The following SMIM36 variants were observed in gnomAD, a reference collection of about 807,000 sequenced individuals.
SMIM36 encodes the protein small integral membrane protein 36.
chr17:55,480,189 A>C (rs908067933), intron 1 of SMIM36, among the ~76,000 whole-genome samples: 4 of 151,794 alleles, frequency 2.6e-5, no homozygotes, highest in African/African-American at 4.8e-5. Context: ...AGGGCTGAGA[A>C]GTACATAGTG....
chr17:55,500,511 C>T (rs1909889304), intron 1 of SMIM36, among the ~76,000 whole-genome samples: 1 of 151,728 alleles, frequency 6.6e-6, no homozygotes, highest in South Asian at 2.1e-4. Flanking sequence ...GAAGTTGGTT[C>T]CTTCTTGAAG....
At chr17:55,472,441 T>C (rs1244580958) in intron 3 of SMIM36, among the ~76,000 whole-genome samples, 3 of 152,248 alleles carry the variant, frequency 2.0e-5, no homozygotes, top group East Asian at 3.8e-4. Flanking sequence ...TGAAAGAGGC[T>C]TCCTTATCAC....
At chr17:55,515,635 G>C (rs1910262776), upstream of SMIM36, among the ~76,000 whole-genome samples, 1 of 152,132 alleles carries the variant, frequency 6.6e-6, no homozygotes, top group Non-Finnish European at 1.5e-5. Context: ...AGAGATCGGA[G>C]CGAGACATCT....
intron 3 of SMIM36, among the ~76,000 whole-genome samples, chr17:55,471,869 C>T (rs148436585): frequency 6.6e-6 from 1 of 152,180 alleles, no homozygotes; most frequent in African/African-American, 2.4e-5. Context: ...CCTGAGGCAG[C>T]AGCCGCCTCT....
intron 1 of SMIM36, among the ~76,000 whole-genome samples, chr17:55,480,896 CTA>C (rs1351234088): frequency 6.6e-6 from 1 of 152,190 alleles, no homozygotes; most frequent in East Asian, 1.9e-4. Flanking sequence ...TTAGATTTTT[CTA>C]TGTTTCTCAA....
chr17:55,528,535 CT>C, the SMIM36 span, among the ~76,000 whole-genome samples: 15 of 148,730 alleles, frequency 1.0e-4, no homozygotes, highest in African/African-American at 3.5e-4. Context: ...TCAAGGAAGT[CT>C]TTTTTTTTCT....
intron 1 of SMIM36, among the ~76,000 whole-genome samples, chr17:55,508,928 C>CAAAA (rs35834283): frequency 3.0e-4 from 29 of 97,026 alleles, no homozygotes; most frequent in African/African-American, 3.4e-4. Flanking sequence ...TGTCTCAGAA[C>CAAAA]AAAAAAAAAA....
intron 3 of SMIM36, among the ~76,000 whole-genome samples, chr17:55,473,613 T>C (rs570047307): frequency 2.8e-4 from 43 of 152,264 alleles, no homozygotes; most frequent in African/African-American, 1.0e-3. Flanking sequence ...AACAGACTAA[T>C]GGTCTTTTAA....
At chr17:55,482,621 C>T (rs1388264232) in intron 1 of SMIM36, among the ~76,000 whole-genome samples, 2 of 152,140 alleles carry the variant, frequency 1.3e-5, no homozygotes, top group Admixed American at 6.5e-5. Flanking sequence ...ATTTAGTGGG[C>T]GTTTTATAAG....
intron 3 of SMIM36, among the ~76,000 whole-genome samples, chr17:55,467,689 C>T (rs1909266360): frequency 6.6e-6 from 1 of 152,190 alleles, no homozygotes; most frequent in Admixed American, 6.5e-5. Flanking sequence ...AGCCACCGCA[C>T]TCGGCCAACC....
upstream of SMIM36, among the ~76,000 whole-genome samples, chr17:55,512,995 A>C (rs1202695525): frequency 3.3e-5 from 5 of 152,202 alleles, no homozygotes; most frequent in Non-Finnish European, 7.3e-5. Context: ...ACGTTTTTCC[A>C]AATAATATCG....
chr17:55,453,062 C>A (rs762462015), intron 4 of SMIM36, among the ~76,000 whole-genome samples: 1 of 152,162 alleles, frequency 6.6e-6, no homozygotes, highest in African/African-American at 2.4e-5. Context: ...ATAATCCCAG[C>A]ACTTAGGGAG....
chr17:55,497,545 G>A (rs1372286191), intron 1 of SMIM36, among the ~76,000 whole-genome samples: 2 of 152,122 alleles, frequency 1.3e-5, no homozygotes, highest in South Asian at 2.1e-4. Context: ...GATTACAGGC[G>A]TGAACCACTA....
the SMIM36 span, among the ~76,000 whole-genome samples, chr17:55,518,610 C>T: frequency 6.6e-6 from 1 of 151,962 alleles, no homozygotes; most frequent in African/African-American, 2.4e-5. Flanking sequence ...AAAAAGTGGA[C>T]CGTGAGTAAA....
chr17:55,462,577 G>A (rs1243071996), intron 4 of SMIM36, among the ~76,000 whole-genome samples: 1 of 152,170 alleles, frequency 6.6e-6, no homozygotes, highest in Non-Finnish European at 1.5e-5. Flanking sequence ...CTGCACTCCA[G>A]CCTGGGCAAC....
chr17:55,476,574 T>C (rs1360768036), intron 3 of SMIM36, among the ~76,000 whole-genome samples: 1 of 151,918 alleles, frequency 6.6e-6, no homozygotes, highest in Non-Finnish European at 1.5e-5. Context: ...ACTATTTTTT[T>C]TTTTTGTTTG....
At chr17:55,520,217 TAA>T in the SMIM36 span, among the ~76,000 whole-genome samples, 1 of 152,182 alleles carries the variant, frequency 6.6e-6, no homozygotes, top group Non-Finnish European at 1.5e-5. Context: ...TTCCCTCTTA[TAA>T]GGATACATGT....
At chr17:55,460,022 T>C (rs1909109340) in intron 4 of SMIM36, among the ~76,000 whole-genome samples, 1 of 152,064 alleles carries the variant, frequency 6.6e-6, no homozygotes, top group Non-Finnish European at 1.5e-5. Flanking sequence ...AAAATATTTA[T>C]TGAACAAATT....
In SMIM36 at chr17:55,495,749, G is replaced by C. The variant is rs546265678; in HGVS notation, c.*174+15130C>G. Among the ~76,000 whole-genome samples, 7 of 152,048 alleles carry C rather than the reference G, an allele frequency of 4.6e-5. No homozygotes were observed. The East Asian group carries it at 1.2e-3, about 25-fold the overall frequency. Reference sequence around the variant, plus strand: ...TTCAAGGCTGCTGTGAATTATGATTGTACCACTGCTTTCCAGCCTGGGCTG... The same window carrying C: ...TTCAAGGCTGCTGTGAATTATGATTCTACCACTGCTTTCCAGCCTGGGCTG... On this transcript the variant is annotated intron_variant, in intron 1 of 4. Coordinates refer to ENST00000636752, the Ensembl canonical transcript of SMIM36.
Sources: allele counts gnomAD v4.1 joint callset (sites outside exome capture counted in the v4.1 genomes callset), GRCh38; gene constraint gnomAD v4.1.1; transcripts MANE v1.5; gene names NCBI Gene and HGNC (gene_info 2026-07-23, HGNC 2026-07-21).